Variants in PLEKHG1 observed in about 807,000 individuals in gnomAD.
The protein encoded by PLEKHG1 is pleckstrin homology and RhoGEF domain containing G1, also known as pleckstrin homology domain-containing family G member 1.
PLEKHG1 carries 44 observed loss-of-function variants against 100.8 expected under a neutral mutation model. That is an observed-to-expected ratio of 0.44 (90% CI 0.34 to 0.56). The LOEUF (loss-of-function observed/expected upper bound fraction) is 0.56, where lower values mean the gene tolerates loss of function less well. Ranked by LOEUF, PLEKHG1 falls within the 20% of genes least tolerant of loss-of-function variation. The probability of loss-of-function intolerance (pLI) is 0.01; values close to 1 mark genes in which losing one functional copy is unlikely to be tolerated. For missense variants in PLEKHG1, 1,545 were observed against 1,720.9 expected, an observed-to-expected ratio of 0.90 and a Z score of 1.81; for synonymous variants, 640 against 662.5, an observed-to-expected ratio of 0.97 and a Z score of 0.52.
intron 3 of PLEKHG1, among the ~76,000 whole-genome samples, chr6:150,707,014 T>C (rs949560159): frequency 7.3e-6 from 1 of 136,956 alleles, no homozygotes; most frequent in African/African-American, 2.7e-5. Flanking sequence ...TTTTTTTTTT[T>C]TTTTTTTAAG....
intron 14 of PLEKHG1, chr6:150,828,319 G>A (rs758228947): frequency 1.4e-4 from 230 of 1,611,574 alleles, no homozygotes; most frequent in African/African-American, 4.0e-4. Flanking sequence ...GATTGAAGAC[G>A]TGTTGCTCTC....
At chr6:150,675,449 C>T (rs1779723318) in intron 3 of PLEKHG1, among the ~76,000 whole-genome samples, 1 of 152,260 alleles carries the variant, frequency 6.6e-6, no homozygotes, top group Non-Finnish European at 1.5e-5. Context: ...CTCACGCTTT[C>T]TGGATTAGTG....
chr6:150,838,554 G>T (rs999485467), intron 15 of PLEKHG1, among the ~76,000 whole-genome samples: 1 of 152,222 alleles, frequency 6.6e-6, no homozygotes, highest in Non-Finnish European at 1.5e-5. Flanking sequence ...TAGGGTGGTT[G>T]TGCAGATACC....
intron 14 of PLEKHG1, among the ~76,000 whole-genome samples, chr6:150,826,805 G>C (rs980932186): frequency 1.3e-5 from 2 of 151,960 alleles, no homozygotes; most frequent in African/African-American, 2.4e-5. Context: ...ACCACGCCCG[G>C]CTAACTCATT....
intron 2 of PLEKHG1, among the ~76,000 whole-genome samples, chr6:150,646,108 G>A (rs1216624292): frequency 6.6e-6 from 1 of 152,188 alleles, no homozygotes; most frequent in African/African-American, 2.4e-5. Context: ...TATTGAATGG[G>A]AGAAAGCAAG....
intron 1 of PLEKHG1, among the ~76,000 whole-genome samples, chr6:150,634,319 G>A (rs1254485510): frequency 1.3e-5 from 2 of 151,952 alleles, no homozygotes; most frequent in African/African-American, 4.8e-5. Context: ...CACATGGGAG[G>A]TAGAAAATAA....
chr6:150,658,499 A>G (rs997452001), intron 3 of PLEKHG1, among the ~76,000 whole-genome samples: 1 of 152,230 alleles, frequency 6.6e-6, no homozygotes, highest in Admixed American at 6.5e-5. Context: ...CCAGGTCCTC[A>G]TAAATGGAAT....
chr6:150,815,463 C>T (rs934989227), intron 10 of PLEKHG1, among the ~76,000 whole-genome samples: 1 of 152,182 alleles, frequency 6.6e-6, no homozygotes, highest in Non-Finnish European at 1.5e-5. Flanking sequence ...AAATTTAACT[C>T]TTCTCCAAAT....
chr6:150,756,544 G>T (rs75173832), intron 2 of PLEKHG1, among the ~76,000 whole-genome samples: 15 of 152,136 alleles, frequency 9.9e-5, no homozygotes, highest in Non-Finnish European at 1.9e-4. Flanking sequence ...GTCGGTCCTT[G>T]TGTAGATTCT....
chr6:150,692,708 T>C (rs187945194), intron 3 of PLEKHG1, among the ~76,000 whole-genome samples: 5 of 152,312 alleles, frequency 3.3e-5, no homozygotes, highest in African/African-American at 1.2e-4. Flanking sequence ...TTCCAAACCA[T>C]TGAGGATACT....
intron 3 of PLEKHG1, among the ~76,000 whole-genome samples, chr6:150,657,855 T>C (rs989030994): frequency 2.0e-5 from 3 of 152,210 alleles, no homozygotes; most frequent in Non-Finnish European, 4.4e-5. Flanking sequence ...TCACCTAAAA[T>C]GTCAAAAGGA....
intron 2 of PLEKHG1, among the ~76,000 whole-genome samples, chr6:150,752,564 C>T (rs891914512): frequency 2.6e-5 from 4 of 152,202 alleles, no homozygotes; most frequent in Admixed American, 1.3e-4. Flanking sequence ...GCAGCTGGCT[C>T]ATTTCACTCA....
At chr6:150,832,063 T>A in exon 15 of PLEKHG1, 1 of 1,614,078 alleles carries the variant, frequency 6.2e-7, no homozygotes, top group South Asian at 1.1e-5. Flanking sequence ...GGCAGTACAG[T>A]CAGAAGATTA....
chr6:150,716,493 C>T (rs115465088), upstream of PLEKHG1, among the ~76,000 whole-genome samples: 23 of 152,326 alleles, frequency 1.5e-4, no homozygotes, highest in African/African-American at 4.8e-4. Context: ...TTTGCCCATC[C>T]GTCTTCCTGT....
chr6:150,711,347 G>T (rs6557084), intron 3 of PLEKHG1, among the ~76,000 whole-genome samples: 69,818 of 151,900 alleles, frequency 0.46, 16,465 homozygotes, highest in East Asian at 0.54. Flanking sequence ...CTTCAGTTAG[G>T]TATTCCATCA....
chr6:150,733,664 C>T, exon 2 of PLEKHG1: 1 of 1,614,110 alleles, frequency 6.2e-7, no homozygotes, highest in Non-Finnish European at 8.5e-7. Context: ...GCGTTCCTGC[C>T]CTCAAGAACT....
chr6:150,677,304 G>GCGCACACACACACACACA (rs1779793165), intron 3 of PLEKHG1, among the ~76,000 whole-genome samples: 1 of 113,878 alleles, frequency 8.8e-6, no homozygotes, highest in Non-Finnish European at 2.1e-5. Flanking sequence ...ACACACACAC[G>GCGCACACACACACACACA]CGCGCGCGCA....
chr6:150,782,798 G>A lies in PLEKHG1; in HGVS notation c.513-3592G>A, dbSNP rs768895867. On this transcript the variant is annotated intron_variant, in intron 3 of 15. Transcript: ENST00000358517. Reference sequence around the variant, plus strand: ...AGTTTCAGAACCACTGCCTTGGAATGAGGAACACCACACAATAAACTCCAT... The same window carrying A: ...AGTTTCAGAACCACTGCCTTGGAATAAGGAACACCACACAATAAACTCCAT... 2.6e-4 allele frequency among the ~76,000 whole-genome samples: 40 copies of A among 152,312 alleles called. 1 individual carries two copies. Among genetic ancestry groups the A allele is most frequent in the South Asian group, 2.1e-4 (1 of 4,830 alleles).
chr6:150,809,726 C>A (rs749855275), exon 10 of PLEKHG1: 15 of 1,611,516 alleles, frequency 9.3e-6, no homozygotes, highest in African/African-American at 1.3e-5. Flanking sequence ...AGCCAAGATT[C>A]CAGCTAAGGT....
Sources: gnomAD v4.1 joint callset for allele counts (sites outside exome capture counted in the v4.1 genomes callset) on GRCh38, gnomAD v4.1.1 for gene constraint, MANE v1.5 for transcripts, NCBI Gene and HGNC (gene_info 2026-07-23, HGNC 2026-07-21) for gene names.